The following OR5P3 variants were observed in gnomAD, a reference collection of about 807,000 sequenced individuals.
OR5P3 encodes the protein olfactory receptor 5P3.
For synonymous variants in OR5P3, 172 were observed against 141.8 expected (o/e 1.21, Z -1.51); for missense variants, 415 against 375.6 (o/e 1.10, Z -0.87).
At position 7,824,993 on chromosome 11, in the gene OR5P3, T is replaced by C; in HGVS notation, c.*44A>G. ...CACTCGGTGTCTTATTATTATTATATATAGAATATTAATATATCAGATTCT... is the reference window on the plus strand; with the variant it reads ...CACTCGGTGTCTTATTATTATTATACATAGAATATTAATATATCAGATTCT... On this transcript the variant is annotated 3_prime_UTR_variant, in exon 2 of 2. Transcript: ENST00000641167. The C allele has an allele frequency of 4.3e-6, 6 of 1,385,336 alleles. No homozygotes were observed. The highest frequency in any genetic ancestry group is 5.9e-6 in the Non-Finnish European group (6 of 1,018,492). The allele number at this position is 1,385,336 out of a possible 1,614,324, so 85.8% of individuals were successfully genotyped here.
Position 7,825,711 on chromosome 11 carries a change from T to G in OR5P3, c.262A>C (p.Lys88Gln), listed in dbSNP as rs759840629. Residue 88 changes from lysine (K) to glutamine (Q), a missense_variant, in exon 2 of 2, where the codon AAA becomes CAA. Transcript: ENST00000641167. ...CCAGCAACAGGGAGAGAGGTTTCTTTCCTTAGGAAGCTCATGAGCATGACA... is the reference window on the plus strand; with the variant it reads ...CCAGCAACAGGGAGAGAGGTTTCTTGCCTTAGGAAGCTCATGAGCATGACA... ...TPVMLMSFLRKETSLPVAGCV... is the reference protein window; with the variant it reads ...TPVMLMSFLRQETSLPVAGCV... 3.1e-6 allele frequency: 5 copies of G among 1,613,074 alleles called. No homozygotes were observed. The African/African-American group carries it at 5.4e-5, about 17-fold the overall frequency.
intron 1 of OR5P3, among the ~76,000 whole-genome samples, chr11:7,828,311 G>A (rs1384740028): frequency 6.6e-6 from 1 of 152,086 alleles, no homozygotes; most frequent in Non-Finnish European, 1.5e-5. Flanking sequence ...CAGGAAAAAG[G>A]CTTCAAGAGT....
rs115013700 is a variant in OR5P3 at position 7,827,950 on chromosome 11, C to T, written c.-21-1957G>A. ...CAGAGCCAAAAATCTTCCAAAGATG[C>T]GGAGACATGATGCTAGCCAGTTGAT... is the stretch of plus-strand genomic sequence containing the variant. On this transcript the variant is annotated intron_variant, in intron 1 of 1. Transcript: ENST00000641167. Among the ~76,000 whole-genome samples, 1,359 of 152,100 alleles carry T rather than the reference C, an allele frequency of 8.9e-3. 22 individuals are homozygous for T. The highest frequency in any genetic ancestry group is 0.03 in the African/African-American group (1,263 of 41,490).
Position 7,825,132 on chromosome 11 carries a change from C to A in OR5P3, c.841G>T (p.Val281Leu). The part of the protein sequence containing the change: ...NKVVSVFYTV[V>L]IPMLNPLIYS... ...ATCAGGGGGTTCAACATGGGAATCA[C>A]CACGGTGTAGAACACAGACACCACC... The change falls in exon 2 of 2, where the codon GTG (valine) becomes TTG (leucine). Residue 281 changes from valine (V) to leucine (L), a missense_variant. Coordinates refer to ENST00000641167, the MANE Select transcript of OR5P3 (RefSeq NM_153445.2). 1.1e-5 allele frequency: 17 copies of A among 1,613,554 alleles called. No homozygotes were observed. The highest frequency in any genetic ancestry group is 1.4e-5 in the Non-Finnish European group (17 of 1,180,028).
chr11:7,825,142 G>C lies in OR5P3; in HGVS notation c.831C>G (p.Phe277Leu), dbSNP rs450205. 1.9e-6 allele frequency: 3 copies of C among 1,606,732 alleles called. No homozygotes were observed. Among genetic ancestry groups the C allele is most frequent in the Non-Finnish European group, 1.7e-6 (2 of 1,179,946 alleles). ...TCAACATGGGAATCACCACGGTGTA[G>C]AACACAGACACCACCTTGTTCTGGT... ...STDQNKVVSV[F>L]YTVVIPMLNP... is the part of the protein sequence containing the mutation. Residue 277 changes from phenylalanine (F) to leucine (L), a missense_variant, in exon 2 of 2, where the codon TTC (phenylalanine) becomes TTG (leucine). Coordinates refer to ENST00000641167, the MANE Select transcript of OR5P3 (RefSeq NM_153445.2).
intron 1 of OR5P3, among the ~76,000 whole-genome samples, chr11:7,826,303 G>T (rs1033950489): frequency 6.6e-6 from 1 of 151,938 alleles, no homozygotes; most frequent in African/African-American, 2.4e-5. Context: ...AAAGAATCCA[G>T]TAACTCAATC....
chr11:7,827,242 A>G (rs950923014), intron 1 of OR5P3, among the ~76,000 whole-genome samples: 4 of 152,212 alleles, frequency 2.6e-5, no homozygotes, highest in African/African-American at 9.6e-5. Context: ...TTGGTTCATT[A>G]CATATTTAAA....
chr11:7,830,677 T>A (rs1857799935), intron 1 of OR5P3, 147 bp downstream of exon 1: 2 of 152,302 alleles, frequency 1.3e-5, no homozygotes, highest in East Asian at 1.9e-4. Context: ...TTGAATAAGA[T>A]GATGTACATG....
intron 1 of OR5P3, among the ~76,000 whole-genome samples, chr11:7,826,928 C>T (rs1239055178): frequency 6.6e-6 from 1 of 152,092 alleles, no homozygotes; most frequent in Non-Finnish European, 1.5e-5. Flanking sequence ...TCCTCCATAC[C>T]AACTCGCTTG....
At chr11:7,827,934 A>C (rs999586537) in intron 1 of OR5P3, among the ~76,000 whole-genome samples, 4 of 152,194 alleles carry the variant, frequency 2.6e-5, no homozygotes, top group Non-Finnish European at 4.4e-5. Context: ...CCAGAGCCAA[A>C]AATCTTCCAA....
rs780835786 is a variant in OR5P3, at chr11:7,825,418, CA to C, written c.554del (p.Leu185Ter). 15 of 1,613,076 alleles carry C rather than the reference CA, an allele frequency of 9.3e-6. No individual in the cohort carries two copies. Among genetic ancestry groups the C allele is most frequent in the Non-Finnish European group, 1.2e-5 (14 of 1,180,028 alleles). The part of the protein sequence containing the change: ...NHFFCDYSPL[L>X]KLACSHDFTF... ...TAAAATCATGGGAACAAGCAAGCTT[CA>C]AAAGTGGTGAATAGTCACAGAAAAA... On this transcript the variant is annotated frameshift_variant, in exon 2 of 2. Transcript: ENST00000641167. LOFTEE classifies it low-confidence loss of function (END_TRUNC).
In OR5P3 at chr11:7,825,517, T is replaced by A; in HGVS notation, c.456A>T (p.Gly152=). The A allele has an allele frequency of 6.2e-7, 1 of 1,613,148 alleles. No individual in the cohort carries two copies. The highest frequency in any genetic ancestry group is 8.5e-7 in the Non-Finnish European group (1 of 1,180,026). ...CAATGAATGTCCAAGCATTCACACA[T>A]CCACCCAGGTAGGACATGCCCACTA... ...IILVGMSYLG[G]CVNAWTFIGC... is the part of the protein sequence containing the mutation. The change falls in exon 2 of 2, where the codon GGA becomes GGT. Residue 152 remains glycine, a synonymous_variant. Coordinates refer to ENST00000641167, the MANE Select transcript of OR5P3 (RefSeq NM_153445.2).
In OR5P3 at chr11:7,825,315, A is replaced by G; in HGVS notation, c.658T>C (p.Tyr220His). The G allele has an allele frequency of 6.2e-7, 1 of 1,613,222 alleles. No homozygotes were observed. Residue 220 changes from tyrosine to histidine, a missense_variant, in exon 2 of 2, where the codon TAT becomes CAT. By Grantham distance (83) the Tyr-to-His change is moderately conservative (BLOSUM62 2). Coordinates refer to ENST00000641167, the MANE Select transcript of OR5P3 (RefSeq NM_153445.2). ...TVCVIAISYI[Y>H]ILITILKMHS... ...ATCTTCAGGATGGTGATGAGGATAT[A>G]GATGTAGGATATGGCTATGACACAC...
intron 1 of OR5P3, among the ~76,000 whole-genome samples, chr11:7,827,569 A>T (rs373842326): frequency 2.0e-5 from 3 of 152,316 alleles, no homozygotes; most frequent in Admixed American, 1.3e-4. Context: ...TAAGCTAGGC[A>T]AAGATGAAGT....
chr11:7,828,976 A>G (rs1437122087), intron 1 of OR5P3, among the ~76,000 whole-genome samples: 1 of 152,202 alleles, frequency 6.6e-6, no homozygotes, highest in African/African-American at 2.4e-5. Flanking sequence ...GAACGTGGAG[A>G]TATAAGAAAG....
intron 1 of OR5P3, among the ~76,000 whole-genome samples, chr11:7,826,968 G>A (rs1857750111): frequency 6.6e-6 from 1 of 152,174 alleles, no homozygotes; most frequent in South Asian, 2.1e-4. Context: ...AAGAAAAGCA[G>A]GAGAGCTTTC....
chr11:7,826,548 A>C lies in OR5P3; in HGVS notation c.-21-555T>G, dbSNP rs942288091. ...ACTGAGCTGTGGTCCCCACCCAGAG[A>C]TTTCACAATTGAGGAAAAGTACACC... On this transcript the variant is annotated intron_variant, in intron 1 of 1. Coordinates refer to ENST00000641167, the MANE Select transcript of OR5P3 (RefSeq NM_153445.2). 2.6e-5 allele frequency among the ~76,000 whole-genome samples: 4 copies of C among 152,328 alleles called. No homozygotes were observed. In the East Asian group the frequency reaches 7.7e-4, roughly 29 times the overall value.
In OR5P3 at chr11:7,827,045, G is replaced by T. The variant is rs1482466203; in HGVS notation, c.-21-1052C>A. Among the ~76,000 whole-genome samples, 9 of 152,146 alleles carry T rather than the reference G, an allele frequency of 5.9e-5. 1 individual carries two copies. Among genetic ancestry groups the T allele is most frequent in the Admixed American group, 5.9e-4 (9 of 15,266 alleles). Reference sequence around the variant, plus strand: ...CTCACTTTATAAAATTATAAACGGAGATCTAAAAAAGATAGATAATACACA... The same window carrying T: ...CTCACTTTATAAAATTATAAACGGATATCTAAAAAAGATAGATAATACACA... On this transcript the variant is annotated intron_variant, in intron 1 of 1. Transcript: ENST00000641167.
Position 7,825,343 on chromosome 11 carries a change from A to C in OR5P3, c.630T>G (p.Thr210=). 6.2e-7 allele frequency: 1 copy of C among 1,613,264 alleles called. No individual in the cohort carries two copies. The highest frequency in any genetic ancestry group is 1.1e-5 in the South Asian group (1 of 91,090). The change falls in exon 2 of 2, where the codon ACT becomes ACG. Residue 210 remains threonine (T), a synonymous_variant. Coordinates refer to ENST00000641167, the MANE Select transcript of OR5P3 (RefSeq NM_153445.2). The stretch of plus-strand genomic sequence containing the variant: ...TGTAGGATATGGCTATGACACACAC[A>C]GTGGCCACAATGATAGATCCAGAAG... The part of the protein sequence containing the change: ...AISSGSIIVA[T]VCVIAISYIY...
Sources: gnomAD v4.1 joint callset for allele counts (sites outside exome capture counted in the v4.1 genomes callset) on GRCh38, gnomAD v4.1.1 for gene constraint, MANE v1.5 for transcripts, NCBI Gene and HGNC (gene_info 2026-07-23, HGNC 2026-07-21) for gene names.